The following NKAIN3 variants were observed in gnomAD, a reference collection of about 807,000 sequenced individuals.
The protein encoded by NKAIN3 is sodium/potassium transporting ATPase interacting 3.
Under a neutral mutation model 30.2 loss-of-function variants are expected in NKAIN3, and 25 were observed. The observed-to-expected ratio is 0.83, with a 90% CI of 0.60 to 1.16. The LOEUF is 1.16. Ranked by LOEUF, NKAIN3 falls within the 50% of genes most tolerant of loss-of-function variation. NKAIN3 has a pLI of 0.00. For missense variants in NKAIN3, 225 were observed against 254.1 expected (o/e 0.89, Z 0.78); for synonymous variants, 91 against 89.6 (o/e 1.02, Z -0.09).
At position 62,601,392 on chromosome 8, in the gene NKAIN3, G is replaced by A. The variant is rs367874810; in HGVS notation, c.273+11598G>A. Among the ~76,000 whole-genome samples the A allele has an allele frequency of 7.5e-4, 114 of 152,042 alleles. 2 individuals are homozygous for A. In the South Asian group the frequency reaches 0.019, roughly 26 times the overall value. On this transcript the variant is annotated intron_variant, in intron 3 of 6. Coordinates refer to ENST00000623646, the MANE Select transcript of NKAIN3 (RefSeq NM_001304533.3). The stretch of plus-strand genomic sequence containing the variant: ...ATATCTGGCAAATTGTACAGAAATA[G>A]CATCCTAGAATCACAGCCAAACTAT...
intron 1 of NKAIN3, among the ~76,000 whole-genome samples, chr8:62,496,439 G>T (rs1483957180): frequency 6.6e-6 from 1 of 152,038 alleles, no homozygotes; most frequent in African/African-American, 2.4e-5. Context: ...GTTCTTCCTG[G>T]ATTATCAGAG....
intron 1 of NKAIN3, among the ~76,000 whole-genome samples, chr8:62,528,319 T>TATA: frequency 1.5e-5 from 1 of 66,966 alleles, no homozygotes; most frequent in African/African-American, 6.8e-5. Context: ...ATATATATAT[T>TATA]ATATAATATA....
In NKAIN3 at chr8:62,472,948, GTC is replaced by G. The variant is rs374947328; in HGVS notation, c.55-106587_55-106586del. Among the ~76,000 whole-genome samples, 865 of 152,280 alleles carry G rather than the reference GTC, an allele frequency of 5.7e-3. 7 individuals are homozygous for G. Among genetic ancestry groups the G allele is most frequent in the African/African-American group, 0.018 (766 of 41,572 alleles). On this transcript the variant is annotated intron_variant, in intron 1 of 6. Transcript: ENST00000623646. Reference sequence around the variant, plus strand: ...GAGCTGCACCAACACAAACTCTTCTGTCTCTGCTGTCTGCTCTGCAAGGCTGT... The same window carrying G: ...GAGCTGCACCAACACAAACTCTTCTGTCTGCTGTCTGCTCTGCAAGGCTGT...
intron 1 of NKAIN3, among the ~76,000 whole-genome samples, chr8:62,485,777 G>A (rs1806880657): frequency 6.6e-6 from 1 of 152,194 alleles, no homozygotes; most frequent in African/African-American, 2.4e-5. Flanking sequence ...GAAAAGAGAA[G>A]AGGGAATGGA....
chr8:62,846,417 T>C (rs532590990), intron 4 of NKAIN3, among the ~76,000 whole-genome samples: 3 of 152,250 alleles, frequency 2.0e-5, no homozygotes, highest in African/African-American at 4.8e-5. Flanking sequence ...GTACAGATTA[T>C]TCCATCACCT....
intron 1 of NKAIN3, among the ~76,000 whole-genome samples, chr8:62,320,978 T>G (rs1814870346): frequency 6.6e-6 from 1 of 152,218 alleles, no homozygotes; most frequent in Admixed American, 6.5e-5. Context: ...ACCAATCTGA[T>G]GTAGATTTGG....
At chr8:62,415,282 T>C (rs1284467879) in intron 1 of NKAIN3, among the ~76,000 whole-genome samples, 3 of 144,718 alleles carry the variant, frequency 2.1e-5, no homozygotes, top group African/African-American at 7.6e-5. Context: ...GTATATATTA[T>C]ATACTATATA....
chr8:62,857,253 C>T (rs1470941878), intron 4 of NKAIN3: 2 of 200,066 alleles, frequency 1.0e-5, no homozygotes, highest in African/African-American at 4.8e-5. Flanking sequence ...TTGCCTTTCT[C>T]TTAACATTAT....
chr8:62,847,755 G>A lies in NKAIN3; in HGVS notation c.472-70698G>A, dbSNP rs570387463. Among the ~76,000 whole-genome samples, 10 of 151,578 alleles carry A rather than the reference G, an allele frequency of 6.6e-5. No homozygotes were observed. The South Asian group carries it at 1.3e-3, about 19-fold the overall frequency. ...GCATCTTGGTCATGAAACTTTGCCC[G>A]TGCTTATGTCCTGAATGGCATTGCT... On this transcript the variant is annotated intron_variant, in intron 4 of 6. Transcript: ENST00000623646.
intron 4 of NKAIN3, among the ~76,000 whole-genome samples, chr8:62,883,372 A>G (rs1451448070): frequency 6.6e-6 from 1 of 150,512 alleles, no homozygotes; most frequent in Non-Finnish European, 1.5e-5. Context: ...CATTGCTAGT[A>G]TATAGGAAAG....
At chr8:62,658,171 A>C (rs1187996139) in intron 3 of NKAIN3, among the ~76,000 whole-genome samples, 1 of 152,188 alleles carries the variant, frequency 6.6e-6, no homozygotes, top group Non-Finnish European at 1.5e-5. Flanking sequence ...AAGTCATGAA[A>C]TCATGCTATG....
At chr8:62,451,406 T>C (rs1266419471) in intron 1 of NKAIN3, among the ~76,000 whole-genome samples, 1 of 151,202 alleles carries the variant, frequency 6.6e-6, no homozygotes, top group African/African-American at 2.4e-5. Context: ...TGAATTCAGA[T>C]AGCCTTTTGT....
At chr8:62,452,981 G>A (rs1018682056) in intron 1 of NKAIN3, among the ~76,000 whole-genome samples, 1 of 152,022 alleles carries the variant, frequency 6.6e-6, no homozygotes, top group Admixed American at 6.6e-5. Flanking sequence ...TTAAGTTTGG[G>A]TAAATCAGAA....
At chr8:62,430,195 G>A (rs879935506) in intron 1 of NKAIN3, among the ~76,000 whole-genome samples, 1 of 151,684 alleles carries the variant, frequency 6.6e-6, no homozygotes, top group Admixed American at 6.6e-5. Context: ...CCCCTTTTAA[G>A]GCTGAATAAT....
At chr8:62,282,945 C>G (rs1813252512) in intron 1 of NKAIN3, among the ~76,000 whole-genome samples, 1 of 152,128 alleles carries the variant, frequency 6.6e-6, no homozygotes, top group Non-Finnish European at 1.5e-5. Context: ...ACATAAAAAG[C>G]CATTTCTGTA....
At chr8:62,620,278 A>G (rs562557566) in intron 3 of NKAIN3, among the ~76,000 whole-genome samples, 19 of 152,100 alleles carry the variant, frequency 1.2e-4, no homozygotes, top group Admixed American at 6.6e-5. Context: ...GCACCTCTCA[A>G]ATGAGGGTCT....
chr8:62,682,713 TC>T (rs1481536144), intron 3 of NKAIN3, among the ~76,000 whole-genome samples: 1 of 151,912 alleles, frequency 6.6e-6, no homozygotes, highest in African/African-American at 2.4e-5. Flanking sequence ...CTGCCAGCTT[TC>T]CCCCACTTCC....
At position 62,972,690 on chromosome 8, in the gene NKAIN3, A is replaced by T. The variant is rs374540366; in HGVS notation, c.*7283A>T. ...ATTTATTTACATTCTTTTTTCATAT[A>T]TATACTTTAAGTTCTGGGATACATG... On this transcript the variant is annotated 3_prime_UTR_variant, in exon 7 of 7. Coordinates refer to ENST00000623646, the MANE Select transcript of NKAIN3 (RefSeq NM_001304533.3). 6.4e-4 allele frequency among the ~76,000 whole-genome samples: 98 copies of T among 152,080 alleles called. No homozygotes were observed. The highest frequency in any genetic ancestry group is 1.2e-3 in the South Asian group (6 of 4,822).
chr8:62,544,612 C>T (rs931693296), intron 1 of NKAIN3, among the ~76,000 whole-genome samples: 1 of 151,944 alleles, frequency 6.6e-6, no homozygotes, highest in Non-Finnish European at 1.5e-5. Flanking sequence ...TTTAGATTCC[C>T]CTTTCAGCCC....
Sources: gnomAD v4.1 joint callset for allele counts (sites outside exome capture counted in the v4.1 genomes callset) on GRCh38, gnomAD v4.1.1 for gene constraint, MANE v1.5 for transcripts, NCBI Gene and HGNC (gene_info 2026-07-23, HGNC 2026-07-21) for gene names.